PFKFB1: variants seen among roughly 807,000 people sequenced by gnomAD.
The protein encoded by PFKFB1 is 6-phosphofructo-2-kinase/fructose-2,6-bisphosphatase 1.
Under a neutral mutation model 46.4 loss-of-function variants are expected in PFKFB1, and 34 were observed. That is an observed-to-expected ratio of 0.73 (90% CI 0.56 to 0.98). The LOEUF (loss-of-function observed/expected upper bound fraction) is 0.98. Ranked by LOEUF, PFKFB1 falls within the 50% of genes least tolerant of loss-of-function variation. The pLI, the probability that PFKFB1 is intolerant of heterozygous loss-of-function variation, is 0.00. For synonymous variants in PFKFB1, 119 were observed against 133.8 expected, an observed-to-expected ratio of 0.89 and a Z score of 0.76; for missense variants, 393 against 376.3, an observed-to-expected ratio of 1.04 and a Z score of -0.37.
intron 9 of PFKFB1, among the ~76,000 whole-genome samples, chrX:54,947,963 CT>C (rs912576979): frequency 9.3e-6 from 1 of 107,674 alleles, no homozygotes; most frequent in African/African-American, 3.4e-5. Flanking sequence ...TTGATTGTCA[CT>C]CAGGCTGGAG....
At chrX:54,948,086 C>T (rs936827278) in intron 9 of PFKFB1, among the ~76,000 whole-genome samples, 3 of 110,440 alleles carry the variant, frequency 2.7e-5, no homozygotes, top group Non-Finnish European at 3.8e-5. Context: ...CTGCACCCAG[C>T]TAATTTTTAA....
At chrX:54,941,376 C>A (rs1478729658) in intron 10 of PFKFB1, among the ~76,000 whole-genome samples, 1 of 111,888 alleles carries the variant, frequency 8.9e-6, no homozygotes, top group Non-Finnish European at 1.9e-5. Context: ...GCAACAAAAG[C>A]CAAAACAGAC....
rs1466877967 is a variant in PFKFB1, at chrX:54,958,344, T to C, written c.478A>G (p.Ile160Val). ...HGYKVFFIES[I>V]CNDPGIIAEN... is the part of the protein sequence containing the mutation. ...GCAATTATGCCAGGGTCATTACAAA[T>C]GGACTCAATGAAAAACACCTATAAA... The change falls in exon 6 of 14, where the codon ATT (isoleucine) becomes GTT (valine). Residue 160 changes from isoleucine to valine, a missense_variant. Coordinates refer to ENST00000375006, the MANE Select transcript of PFKFB1 (RefSeq NM_002625.4). 8.5e-7 allele frequency: 1 copy of C among 1,172,565 alleles called. No homozygotes were observed. The highest frequency in any genetic ancestry group is 1.2e-6 in the Non-Finnish European group (1 of 862,899).
At chrX:54,949,424 C>CAG (rs3028350) in intron 8 of PFKFB1, among the ~76,000 whole-genome samples, 2,563 of 93,808 alleles carry the variant, frequency 0.027, 39 homozygotes, top group Middle Eastern at 0.063. Context: ...AAGAGCATGA[C>CAG]AGAGAGAGAG....
At position 54,956,227 on chromosome X, in the gene PFKFB1, C is replaced by G. The variant is rs146170729; in HGVS notation, c.564G>C (p.Lys188Asn). The G allele has an allele frequency of 6.7e-5, 81 of 1,209,998 alleles. No individual in the cohort carries two copies. The South Asian group carries it at 1.4e-3, about 21-fold the overall frequency. Residue 188 changes from lysine to asparagine, a missense_variant, in exon 7 of 14, where the codon AAG becomes AAC. By Grantham distance (94) the Lys-to-Asn change is moderately conservative (BLOSUM62 0). Transcript: ENST00000375006. ...SPDYIDCDRE[K>N]VLEDFLKRIE... ...TTCTCTTTAGAAAGTCTTCCAGAAC[C>G]TTTTCCCGGTCACAGTCTATATAAT...
At chrX:54,935,338 C>T (rs1933352149) in intron 11 of PFKFB1, among the ~76,000 whole-genome samples, 1 of 111,598 alleles carries the variant, frequency 9.0e-6, no homozygotes, top group African/African-American at 3.3e-5. Flanking sequence ...CCGCCCCAAG[C>T]CTGGGGCCTT....
At chrX:54,967,485 T>C (rs1222780424) in intron 1 of PFKFB1, among the ~76,000 whole-genome samples, 1 of 97,622 alleles carries the variant, frequency 1.0e-5, no homozygotes, top group Non-Finnish European at 2.1e-5. Flanking sequence ...CTAATTAAAC[T>C]CAAGAGCTTC....
At chrX:54,957,072 G>A (rs1402137978) in intron 6 of PFKFB1, among the ~76,000 whole-genome samples, 2 of 111,617 alleles carry the variant, frequency 1.8e-5, no homozygotes, top group Non-Finnish European at 3.8e-5. Flanking sequence ...TTAGCAGGTG[G>A]CTCATGGCTT....
At chrX:54,979,541 G>A (rs1449098524) in intron 1 of PFKFB1, among the ~76,000 whole-genome samples, 3 of 111,363 alleles carry the variant, frequency 2.7e-5, no homozygotes, top group African/African-American at 9.8e-5. Context: ...TGGCTGAGCT[G>A]GTGTGAAACC....
intron 11 of PFKFB1, among the ~76,000 whole-genome samples, chrX:54,935,511 C>T (rs1250860222): frequency 2.7e-5 from 3 of 112,719 alleles, no homozygotes; most frequent in African/African-American, 9.7e-5. Context: ...TGTGCATTCA[C>T]TTGTTTCCAG....
At position 54,956,169 on chromosome X, in the gene PFKFB1, C is replaced by T; in HGVS notation, c.622G>A (p.Asp208Asn). The change falls in exon 7 of 14, where the codon GAT becomes AAT. Residue 208 changes from aspartate (D) to asparagine (N), a missense_variant. Coordinates refer to ENST00000375006, the MANE Select transcript of PFKFB1 (RefSeq NM_002625.4). ...GGCTCTTACCTGTCCAGTTCCTCAT[C>T]CAAGGGTTGGTAGTTGACCTCATAG... ...ECYEVNYQPL[D>N]EELDSHLSYI... is the part of the protein sequence containing the mutation. The T allele has an allele frequency of 1.7e-6, 2 of 1,204,704 alleles. No individual in the cohort carries two copies. Among genetic ancestry groups the T allele is most frequent in the Non-Finnish European group, 2.2e-6 (2 of 889,358 alleles).
upstream of PFKFB1, chrX:54,994,728 T>C (rs1327813253): frequency 1.3e-6 from 1 of 754,663 alleles, no homozygotes; most frequent in East Asian, 1.5e-4. Context: ...CTGCCTTCCT[T>C]GCCACAGGGC....
At chrX:54,939,875 CCTT>C (rs1280027757) in intron 10 of PFKFB1, among the ~76,000 whole-genome samples, 8 of 112,035 alleles carry the variant, frequency 7.1e-5, no homozygotes, top group Admixed American at 1.9e-4. Flanking sequence ...AAGAGGGAAT[CCTT>C]CTTAACTCAT....
chrX:54,998,453 G>A (rs767378797), upstream of PFKFB1: 339 of 1,145,725 alleles, frequency 3.0e-4, no homozygotes, highest in Non-Finnish European at 3.7e-4. Context: ...TCCAACACTC[G>A]GTTCTCTTGC....
At chrX:54,978,800 C>A (rs887055113) in intron 1 of PFKFB1, among the ~76,000 whole-genome samples, 2 of 111,548 alleles carry the variant, frequency 1.8e-5, no homozygotes, top group Admixed American at 1.9e-4. Flanking sequence ...AACCCACAGC[C>A]CCAGTCTAAA....
chrX:54,952,729 T>C (rs939679641), intron 7 of PFKFB1, among the ~76,000 whole-genome samples: 2 of 110,836 alleles, frequency 1.8e-5, no homozygotes, highest in African/African-American at 6.6e-5. Flanking sequence ...ACTCCAAACA[T>C]ACTCCTCTGT....
rs761074903 is a variant in PFKFB1, at chrX:54,991,537, C to CTG, written c.97+2373_97+2374insCA. 8.6e-3 allele frequency among the ~76,000 whole-genome samples: 842 copies of CTG among 98,426 alleles called. 6 individuals carry two copies. The highest frequency in any genetic ancestry group is 0.03 in the African/African-American group (795 of 26,264). The allele number at this position is 98,426 out of a possible 115,157, so 85.5% of individuals were successfully genotyped here. A position where few individuals can be genotyped will look rare whatever the true frequency, so the allele number is the denominator to read the frequency against. Reference sequence around the variant, plus strand: ...TCTCTCTCTCTCTCCCTCTCTCTCTCTCTGTGTGTGTGTGTGTGTGTGTGT... The same window carrying CTG: ...TCTCTCTCTCTCTCCCTCTCTCTCTCTGTCTGTGTGTGTGTGTGTGTGTGTGT... On this transcript the variant is annotated intron_variant, in intron 1 of 13. Transcript: ENST00000375006.
chrX:54,983,900 G>A lies in PFKFB1; in HGVS notation c.97+10011C>T, dbSNP rs746238694. On this transcript the variant is annotated intron_variant, in intron 1 of 13. Coordinates refer to ENST00000375006, the MANE Select transcript of PFKFB1 (RefSeq NM_002625.4). ...TGGTATCTCACTGTGGCTTTGATTT[G>A]CATTTCCCTAATGATCAGTGATGTT... is the stretch of plus-strand genomic sequence containing the variant. Among the ~76,000 whole-genome samples the A allele has an allele frequency of 2.7e-5, 3 of 111,679 alleles. No individual in the cohort carries two copies. In the South Asian group the frequency reaches 1.1e-3, roughly 42 times the overall value.
At chrX:54,964,888 A>G (rs895631752) in intron 1 of PFKFB1, among the ~76,000 whole-genome samples, 2 of 111,599 alleles carry the variant, frequency 1.8e-5, no homozygotes, top group Non-Finnish European at 3.8e-5. Context: ...AAACACAGTA[A>G]CAGATCTGAA....
Sources: gnomAD v4.1 joint callset for allele counts (sites outside exome capture counted in the v4.1 genomes callset) on GRCh38, gnomAD v4.1.1 for gene constraint, MANE v1.5 for transcripts, NCBI Gene and HGNC (gene_info 2026-07-23, HGNC 2026-07-21) for gene names.